The following TSNAXIP1 variants were observed in gnomAD, a reference collection of about 807,000 sequenced individuals.
TSNAXIP1 encodes the protein translin-associated factor X-interacting protein 1.
In TSNAXIP1, 89 loss-of-function variants were observed where a neutral mutation model predicts 84.8. That is an observed-to-expected ratio of 1.05 (90% CI 0.88 to 1.25). The LOEUF is 1.25. Ranked by LOEUF, TSNAXIP1 falls within the 50% of genes most tolerant of loss-of-function variation. The pLI, the probability that TSNAXIP1 is intolerant of heterozygous loss-of-function variation, is 0.00. For synonymous variants in TSNAXIP1, 347 were observed against 335.2 expected, an observed-to-expected ratio of 1.04 and a Z score of -0.39; for missense variants, 874 against 887.6, an observed-to-expected ratio of 0.98 and a Z score of 0.20.
intron 1 of TSNAXIP1, among the ~76,000 whole-genome samples, chr16:67,808,059 C>T (rs2055636232): frequency 6.6e-6 from 1 of 152,174 alleles, no homozygotes; most frequent in Non-Finnish European, 1.5e-5. Flanking sequence ...ATATCTCAAA[C>T]ATGGGAATGA....
At chr16:67,825,346 C>A (rs2095524503) in intron 7 of TSNAXIP1, 74 bp downstream of exon 7, 6 of 1,577,374 alleles carry the variant, frequency 3.8e-6, no homozygotes, top group Non-Finnish European at 4.3e-6. Context: ...CCCTAAGCCC[C>A]ATTCATTCAG....
At chr16:67,813,357 AC>A (rs1300759570) in intron 1 of TSNAXIP1, among the ~76,000 whole-genome samples, 2 of 151,922 alleles carry the variant, frequency 1.3e-5, no homozygotes, top group Non-Finnish European at 2.9e-5. Context: ...ACTGCACTCT[AC>A]CCTGGGTGAC....
At position 67,825,841 on chromosome 16, in the gene TSNAXIP1, TGGCA is replaced by T. The variant is rs769063173; in HGVS notation, c.984+16_984+19del. The T allele has an allele frequency of 6.2e-7, 1 of 1,613,968 alleles. No homozygotes were observed. Among genetic ancestry groups the T allele is most frequent in the Admixed American group, 1.7e-5 (1 of 60,002 alleles). ...AACAAGGATCTTCAGGAGCAGGTGC[TGGCA>T]GGCAGGCAGGGCCAGGAGGGTAGGA... On this transcript the variant is annotated splice_donor_region_variant and intron_variant, in intron 8 of 15. Transcript: ENST00000561639.
At chr16:67,812,830 C>T (rs368534837) in intron 1 of TSNAXIP1, among the ~76,000 whole-genome samples, 12 of 152,202 alleles carry the variant, frequency 7.9e-5, no homozygotes, top group African/African-American at 2.2e-4. Context: ...AGGCTCATCT[C>T]GAACTCCTGG....
chr16:67,821,036 C>G, intron 3 of TSNAXIP1, 63 bp from the exon 4 acceptor site: 1 of 1,606,434 alleles, frequency 6.2e-7, no homozygotes, highest in East Asian at 2.2e-5. Context: ...TGTGTTGCCC[C>G]AGACTGAGGG....
intron 4 of TSNAXIP1, 45 bp downstream of exon 4, chr16:67,821,270 G>A (rs762104292): frequency 2.2e-5 from 19 of 874,294 alleles, no homozygotes; most frequent in Non-Finnish European, 3.2e-5. Flanking sequence ...GGAAGGGTGG[G>A]AAGAAGCTTC....
Position 67,827,343 on chromosome 16 carries a change from G to C in TSNAXIP1, c.1759G>C (p.Asp587His), listed in dbSNP as rs2057538420. 1 of 1,614,116 alleles carries C rather than the reference G, an allele frequency of 6.2e-7. No individual in the cohort carries two copies. The highest frequency in any genetic ancestry group is 8.5e-7 in the Non-Finnish European group (1 of 1,180,052). Residue 587 changes from aspartate (D) to histidine (H), a missense_variant, in exon 14 of 16, where the codon GAC becomes CAC. By Grantham distance (81) the Asp-to-His change is moderately conservative (BLOSUM62 -1). Coordinates refer to ENST00000561639, the MANE Select transcript of TSNAXIP1 (RefSeq NM_001288990.3). ...CTGGCATCCCAGCAGCAGCAATGCA[G>C]ACTTGCTCAACTACCGCTCACTGTT... ...GGWHPSSSNA[D>H]LLNYRSLFME...
intron 4 of TSNAXIP1, among the ~76,000 whole-genome samples, chr16:67,821,518 A>C (rs1208516683): frequency 6.6e-6 from 1 of 151,572 alleles, no homozygotes; most frequent in African/African-American, 2.4e-5. Context: ...CAGCGGTTGC[A>C]GTGAGACAAG....
At chr16:67,818,665 C>T (rs971639839) in intron 2 of TSNAXIP1, among the ~76,000 whole-genome samples, 5 of 150,834 alleles carry the variant, frequency 3.3e-5, no homozygotes, top group Non-Finnish European at 5.9e-5. Flanking sequence ...CAGGACAGTT[C>T]GAGAAGCCCA....
intron 7 of TSNAXIP1, 42 bp downstream of exon 7, chr16:67,825,314 C>G: frequency 6.2e-7 from 1 of 1,609,232 alleles, no homozygotes; most frequent in Non-Finnish European, 8.5e-7. Context: ...TTCTCTGAGA[C>G]GCTGGAAGAC....
At position 67,820,961 on chromosome 16, in the gene TSNAXIP1, G is replaced by C. The variant is rs1178350190; in HGVS notation, c.260+10G>C. 6.3e-7 allele frequency: 1 copy of C among 1,593,146 alleles called. No homozygotes were observed. The highest frequency in any genetic ancestry group is 8.5e-7 in the Non-Finnish European group (1 of 1,169,804). On this transcript the variant is annotated intron_variant, in intron 3 of 15. Coordinates refer to ENST00000561639, the MANE Select transcript of TSNAXIP1 (RefSeq NM_001288990.3). ...ACCGGAAGCGAGTAGGGTAAGCCAGGGTCAGTCCCATGGTGGGTGAGCTGG... is the reference window on the plus strand; with the variant it reads ...ACCGGAAGCGAGTAGGGTAAGCCAGCGTCAGTCCCATGGTGGGTGAGCTGG...
chr16:67,814,248 C>A, intron 1 of TSNAXIP1, 54 bp from the exon 2 acceptor site: 1 of 1,377,220 alleles, frequency 7.3e-7, no homozygotes, highest in Non-Finnish European at 1.0e-6. Context: ...GATGGGAGTT[C>A]TCTTCCCACT....
intron 1 of TSNAXIP1, 41 bp downstream of exon 1, chr16:67,807,237 G>A: frequency 6.5e-7 from 1 of 1,535,956 alleles, no homozygotes; most frequent in Non-Finnish European, 8.7e-7. Context: ...GAGGGTTTGA[G>A]TACTTCTAGA....
intron 1 of TSNAXIP1, chr16:67,807,501 G>T: frequency 1.0e-6 from 1 of 994,768 alleles, no homozygotes; most frequent in Non-Finnish European, 1.3e-6. Context: ...ATCTCGTTCT[G>T]TCGCCCAGGC....
At chr16:67,814,541 G>C (rs1001169202) in intron 2 of TSNAXIP1, 140 bp downstream of exon 2, 4 of 737,404 alleles carry the variant, frequency 5.4e-6, no homozygotes, top group African/African-American at 5.2e-5. Flanking sequence ...TTCTCAGTTA[G>C]AGAGTGTGGC....
Position 67,824,617 on chromosome 16 carries a change from C to T in TSNAXIP1, c.516C>T (p.Pro172=). 2 of 1,614,040 alleles carry T rather than the reference C, an allele frequency of 1.2e-6. No homozygotes were observed. The highest frequency in any genetic ancestry group is 1.7e-6 in the Non-Finnish European group (2 of 1,179,972). The change falls in exon 6 of 16, where the codon CCC becomes CCT. Residue 172 remains proline, a synonymous_variant. Transcript: ENST00000561639. The stretch of plus-strand genomic sequence containing the variant: ...GGGAGAAGATTCGGGCTCTGGAGCC[C>T]CTGAAGGCCAAGCTTGTCACTGTGA... The part of the protein sequence containing the change: ...HQREKIRALE[P]LKAKLVTVNE...
intron 1 of TSNAXIP1, among the ~76,000 whole-genome samples, chr16:67,809,955 T>C (rs530212359): frequency 3.0e-4 from 45 of 151,212 alleles, no homozygotes; most frequent in African/African-American, 1.1e-3. Context: ...TCTCAAAAAA[T>C]AGTAAATAAA....
chr16:67,827,756 T>C lies in TSNAXIP1; in HGVS notation c.1902T>C (p.His634=), dbSNP rs1438709439. The change falls in exon 16 of 16, where the codon CAT becomes CAC. Residue 634 remains histidine, a synonymous_variant. Transcript: ENST00000561639. ...QLKQELGIEL[H]EEVTLPKLRG... ...CACTCTCTTTCCTGTGGGGCAGCCA[T>C]GAGGAAGTGACTCTGCCCAAGCTGC... is the stretch of plus-strand genomic sequence containing the variant. 1.9e-6 allele frequency: 3 copies of C among 1,613,806 alleles called. No homozygotes were observed. The South Asian group carries it at 3.3e-5, about 18-fold the overall frequency.
chr16:67,814,444 A>G lies in TSNAXIP1; in HGVS notation c.147+43A>G, dbSNP rs1386336721. ...TTTGGAACCCCAAATGTCAGCCCCC[A>G]GACCCTATCCGTCTCCCTTCCTGCA... is the stretch of plus-strand genomic sequence containing the variant. On this transcript the variant is annotated intron_variant, in intron 2 of 15. Coordinates refer to ENST00000561639, the MANE Select transcript of TSNAXIP1 (RefSeq NM_001288990.3). 1.0e-5 allele frequency: 15 copies of G among 1,479,856 alleles called. No individual in the cohort carries two copies. The Admixed American group carries it at 2.9e-4, about 29-fold the overall frequency. 91.7% of individuals were successfully genotyped at this position (1,479,856 alleles called of 1,614,324 possible).
Sources: gnomAD v4.1 joint callset for allele counts (sites outside exome capture counted in the v4.1 genomes callset) on GRCh38, gnomAD v4.1.1 for gene constraint, MANE v1.5 for transcripts, NCBI Gene and HGNC (gene_info 2026-07-23, HGNC 2026-07-21) for gene names.